CDC123: variants seen among roughly 807,000 people sequenced by gnomAD.
CDC123 encodes translation initiation factor eIF2 assembly protein.
A neutral mutation model predicts 54.4 loss-of-function variants in CDC123; 37 were observed. The observed-to-expected ratio is 0.68, with a 90% CI of 0.52 to 0.89. The LOEUF (loss-of-function observed/expected upper bound fraction) is 0.89, where lower values mean the gene tolerates loss of function less well. Ranked by LOEUF, CDC123 falls within the 40% of genes least tolerant of loss-of-function variation. CDC123 has a pLI of 0.00. For missense variants in CDC123, 361 were observed against 412.1 expected, an observed-to-expected ratio of 0.88 and a Z score of 1.07; for synonymous variants, 144 against 136.8, an observed-to-expected ratio of 1.05 and a Z score of -0.37.
At chr10:12,232,991 C>T (rs1042412327) in intron 7 of CDC123, among the ~76,000 whole-genome samples, 1 of 151,804 alleles carries the variant, frequency 6.6e-6, no homozygotes, top group Non-Finnish European at 1.5e-5. Context: ...GTTCTCCTGA[C>T]CTCGTGATCC....
intron 5 of CDC123, 135 bp downstream of exon 5, chr10:12,215,970 C>T (rs1426997687): frequency 1.3e-5 from 7 of 548,466 alleles, no homozygotes; most frequent in Middle Eastern, 4.4e-4. Context: ...TTATTAATTT[C>T]CCTCTACTGT....
chr10:12,240,750 C>G (rs1444161166), intron 10 of CDC123, among the ~76,000 whole-genome samples: 1 of 151,966 alleles, frequency 6.6e-6, no homozygotes, highest in African/African-American at 2.4e-5. Flanking sequence ...GTGCCTGTAG[C>G]CCCAGCTACT....
intron 5 of CDC123, among the ~76,000 whole-genome samples, chr10:12,216,847 C>T (rs1835670562): frequency 6.6e-6 from 1 of 152,162 alleles, no homozygotes; most frequent in Non-Finnish European, 1.5e-5. Flanking sequence ...ATGAGACATT[C>T]ACCATTTAAA....
At chr10:12,218,293 C>A (rs1391909927) in intron 6 of CDC123, among the ~76,000 whole-genome samples, 2 of 137,330 alleles carry the variant, frequency 1.5e-5, no homozygotes, top group African/African-American at 5.5e-5. Flanking sequence ...GTCTCCCAGG[C>A]TGGAGTGCAG....
At chr10:12,242,310 G>A (rs1836069881) in intron 10 of CDC123, among the ~76,000 whole-genome samples, 1 of 152,140 alleles carries the variant, frequency 6.6e-6, no homozygotes. Context: ...GCACATGTAG[G>A]CAGGCTCTCC....
chr10:12,234,750 ATTTTTTT>A (rs968508731), intron 7 of CDC123, among the ~76,000 whole-genome samples: 1 of 133,934 alleles, frequency 7.5e-6, no homozygotes, highest in African/African-American at 2.8e-5. Flanking sequence ...CATGTGAAGA[ATTTTTTT>A]TTTTTTTTTT....
chr10:12,213,799 G>T (rs2131739180), intron 4 of CDC123, among the ~76,000 whole-genome samples: 1 of 152,174 alleles, frequency 6.6e-6, no homozygotes, highest in East Asian at 1.9e-4. Flanking sequence ...TATATTTTTA[G>T]ATCAGGAATA....
intron 7 of CDC123, among the ~76,000 whole-genome samples, chr10:12,233,709 A>C (rs1413255156): frequency 6.6e-6 from 1 of 152,102 alleles, no homozygotes. Flanking sequence ...TTTTTTTAAA[A>C]AGCAGATAAT....
At chr10:12,213,564 GTTT>G (rs570155287) in intron 4 of CDC123, among the ~76,000 whole-genome samples, 1 of 146,680 alleles carries the variant, frequency 6.8e-6, no homozygotes. Flanking sequence ...AAAAGTTTCA[GTTT>G]TTTTTTTTTC....
At chr10:12,236,428 G>A (rs910927220) in intron 8 of CDC123, among the ~76,000 whole-genome samples, 13 of 151,826 alleles carry the variant, frequency 8.6e-5, no homozygotes, top group African/African-American at 2.7e-4. Context: ...CTGAGACCCC[G>A]TCTCTACAAA....
chr10:12,223,838 C>T lies in CDC123; in HGVS notation c.440+6371C>T, dbSNP rs1835769335. Reference sequence around the variant, plus strand: ...GGGATGTGTAATTATCTGTCATTGACGTACACTATGTATTTCCCCCTGTAT... The same window carrying T: ...GGGATGTGTAATTATCTGTCATTGATGTACACTATGTATTTCCCCCTGTAT... On this transcript the variant is annotated intron_variant, in intron 6 of 12. Transcript: ENST00000281141. Among the ~76,000 whole-genome samples, 5 of 152,022 alleles carry T rather than the reference C, an allele frequency of 3.3e-5. No individual in the cohort carries two copies. The South Asian group carries it at 1.0e-3, about 31-fold the overall frequency.
chr10:12,235,907 A>G (rs952727882), intron 8 of CDC123, among the ~76,000 whole-genome samples: 2 of 152,230 alleles, frequency 1.3e-5, no homozygotes, highest in African/African-American at 4.8e-5. Flanking sequence ...ATTTCAGAGC[A>G]GAGAACTTTT....
At position 12,217,399 on chromosome 10, in the gene CDC123, T is replaced by C. The variant is rs1835676644; in HGVS notation, c.372T>C (p.Cys124=). The C allele has an allele frequency of 6.2e-7, 1 of 1,613,928 alleles. No homozygotes were observed. The highest frequency in any genetic ancestry group is 1.3e-5 in the African/African-American group (1 of 74,948). The change falls in exon 6 of 13, where the codon TGT becomes TGC. Residue 124 remains cysteine, a synonymous_variant. Transcript: ENST00000281141. ...TAGCAATGAATAGTTCTCTGAAATG[T>C]AAAACCCTCAGCGACATCTTTCTGC... ...YWIAMNSSLK[C]KTLSDIFLLF... is the part of the protein sequence containing the mutation.
intron 2 of CDC123, 81 bp downstream of exon 2, chr10:12,198,857 C>G (rs774318736): frequency 7.8e-5 from 61 of 779,060 alleles, no homozygotes; most frequent in Non-Finnish European, 1.4e-4. Flanking sequence ...AGGCACCATT[C>G]TTTCCCTTTA....
chr10:12,231,388 C>A (rs992365953), intron 7 of CDC123, among the ~76,000 whole-genome samples: 2 of 151,942 alleles, frequency 1.3e-5, no homozygotes, highest in African/African-American at 4.8e-5. Context: ...TTTGAGAGGC[C>A]GAGGTGGGTG....
chr10:12,196,201 G>A lies in CDC123; in HGVS notation c.-45G>A. On this transcript the variant is annotated 5_prime_UTR_variant, in exon 1 of 13. Coordinates refer to ENST00000281141, the MANE Select transcript of CDC123 (RefSeq NM_006023.3). Reference sequence around the variant, plus strand: ...GGGCCGGCGCCCAGAGTTCCGGGAGGGTGCAGGCAGGAGAGGGAAAGGCAG... The same window carrying A: ...GGGCCGGCGCCCAGAGTTCCGGGAGAGTGCAGGCAGGAGAGGGAAAGGCAG... The A allele has an allele frequency of 6.2e-7, 1 of 1,613,510 alleles. No homozygotes were observed. Among genetic ancestry groups the A allele is most frequent in the South Asian group, 1.1e-5 (1 of 91,054 alleles).
At chr10:12,215,923 T>G (rs1835656405) in intron 5 of CDC123, 88 bp downstream of exon 5, 2 of 721,348 alleles carry the variant, frequency 2.8e-6, no homozygotes, top group South Asian at 4.3e-5. Flanking sequence ...AGGGTCTAAT[T>G]ATATTCCTAA....
At chr10:12,207,845 T>C (rs1046119291) in intron 2 of CDC123, among the ~76,000 whole-genome samples, 2 of 152,220 alleles carry the variant, frequency 1.3e-5, no homozygotes, top group Non-Finnish European at 2.9e-5. Flanking sequence ...GAGTTCATTT[T>C]TTCCAGAGAA....
intron 2 of CDC123, among the ~76,000 whole-genome samples, chr10:12,201,299 C>T (rs1835436176): frequency 6.6e-6 from 1 of 152,134 alleles, no homozygotes; most frequent in Non-Finnish European, 1.5e-5. Context: ...CTAAGATGAA[C>T]ATAGCAAACA....
Sources: gnomAD v4.1 joint callset for allele counts (sites outside exome capture counted in the v4.1 genomes callset) on GRCh38, gnomAD v4.1.1 for gene constraint, MANE v1.5 for transcripts, NCBI Gene and HGNC (gene_info 2026-07-23, HGNC 2026-07-21) for gene names.